The following MOBP variants were observed in gnomAD, a reference collection of about 807,000 sequenced individuals.
MOBP encodes the protein myelin associated oligodendrocyte basic protein.
In MOBP, 5 loss-of-function variants were observed where a neutral mutation model predicts 15.0. The observed-to-expected ratio is 0.33, with a 90% CI of 0.17 to 0.70. The LOEUF is 0.70. Ranked by LOEUF, MOBP falls within the 30% of genes least tolerant of loss-of-function variation. The probability of loss-of-function intolerance (pLI) is 0.67; values close to 1 mark genes in which losing one functional copy is unlikely to be tolerated. For missense variants in MOBP, 188 were observed against 257.8 expected (o/e 0.73, Z 1.85); for synonymous variants, 88 against 99.0 (o/e 0.89, Z 0.66).
chr3:39,516,842 A>G (rs1242720224), downstream of MOBP, among the ~76,000 whole-genome samples: 1 of 152,200 alleles, frequency 6.6e-6, no homozygotes, highest in Non-Finnish European at 1.5e-5. Flanking sequence ...ATAAAGATTC[A>G]TGAGGAAATT....
At chr3:39,495,750 C>CAAAAA (rs1179926622) in intron 2 of MOBP, among the ~76,000 whole-genome samples, 11 of 59,838 alleles carry the variant, frequency 1.8e-4, no homozygotes, top group Middle Eastern at 0.02. Context: ...GAGACCTTGT[C>CAAAAA]AAAAAAAAAA....
chr3:39,520,170 C>G (rs1010982892), downstream of MOBP, among the ~76,000 whole-genome samples: 4 of 152,074 alleles, frequency 2.6e-5, no homozygotes, highest in Admixed American at 2.6e-4. Flanking sequence ...TTCCCACCAT[C>G]AAGCCACCAG....
Position 39,502,051 on chromosome 3 carries a change from A to T in MOBP, c.-4-15A>T. 6.2e-7 allele frequency: 1 copy of T among 1,611,814 alleles called. No homozygotes were observed. Among genetic ancestry groups the T allele is most frequent in the Non-Finnish European group, 8.5e-7 (1 of 1,178,600 alleles). On this transcript the variant is annotated splice_polypyrimidine_tract_variant and intron_variant, in intron 2 of 3. Transcript: ENST00000684792. This position sits in a 1 kb window ranked among gnomAD's most constrained non-coding sequence, Gnocchi z 6.3. The stretch of plus-strand genomic sequence containing the variant: ...TTTATGTCTCCTCCTGTCTCCTTGC[A>T]TCGGCGATTTCCAGTGAGATGAGTC...
chr3:39,529,064 A>G (rs1324052051), downstream of MOBP: 2 of 152,226 alleles, frequency 1.3e-5, no homozygotes, highest in Non-Finnish European at 1.5e-5. Context: ...AGGGCTCACT[A>G]TGACTCACTA....
Position 39,502,463 on chromosome 3 carries a change from C to T in MOBP, c.207-72C>T. On this transcript the variant is annotated intron_variant, in intron 3 of 3. Coordinates refer to ENST00000684792, the MANE Select transcript of MOBP (RefSeq NM_001393704.1). This position sits in a 1 kb window ranked among gnomAD's most constrained non-coding sequence, Gnocchi z 6.3. ...GCAGGGCCTTCCTACCTGTTTCCAG[C>T]TCCTGCCAGCGTCGCTTAAGCAGCA... The T allele has an allele frequency of 6.5e-7, 1 of 1,534,520 alleles. No individual in the cohort carries two copies. The highest frequency in any genetic ancestry group is 8.7e-7 in the Non-Finnish European group (1 of 1,146,518).
chr3:39,470,169 C>T (rs906999571), intron 1 of MOBP, among the ~76,000 whole-genome samples: 2 of 152,158 alleles, frequency 1.3e-5, no homozygotes, highest in African/African-American at 4.8e-5. Context: ...GTGGAGGAGG[C>T]GGACCTCTGG....
chr3:39,511,311 C>A (rs1331729556), intron 4 of MOBP, among the ~76,000 whole-genome samples: 2 of 152,200 alleles, frequency 1.3e-5, no homozygotes, highest in Non-Finnish European at 2.9e-5. Context: ...ATGGCACTTT[C>A]TTCTCAAACC....
downstream of MOBP, among the ~76,000 whole-genome samples, chr3:39,503,928 A>G (rs1000829155): frequency 1.3e-5 from 2 of 152,178 alleles, no homozygotes; most frequent in Non-Finnish European, 2.9e-5. Context: ...TTGGGTCACC[A>G]CTAAGGCCTG....
intron 1 of MOBP, among the ~76,000 whole-genome samples, chr3:39,477,668 C>T (rs1052702788): frequency 1.3e-5 from 2 of 148,828 alleles, no homozygotes; most frequent in East Asian, 2.0e-4. Context: ...TGAGGTGTTC[C>T]AGAAGAAGAC....
In MOBP at chr3:39,482,365, C is replaced by T. The variant is rs528576263; in HGVS notation, c.-5+2242C>T. On this transcript the variant is annotated intron_variant, in intron 2 of 3. Coordinates refer to ENST00000684792, the MANE Select transcript of MOBP (RefSeq NM_001393704.1). ...TGGAAGTGATCTTACAAAAACGCAC[C>T]TCTGGGTCGGGCACGGTGGCTCATG... Among the ~76,000 whole-genome samples, 50 of 152,260 alleles carry T rather than the reference C, an allele frequency of 3.3e-4. No individual in the cohort carries two copies. In the South Asian group the frequency reaches 6.2e-3, roughly 19 times the overall value.
downstream of MOBP, among the ~76,000 whole-genome samples, chr3:39,506,894 G>A (rs549874008): frequency 2.0e-4 from 30 of 152,316 alleles, no homozygotes; most frequent in East Asian, 2.5e-3. Context: ...TATCAGTGGT[G>A]CTTTCTGTTG....
At chr3:39,482,810 C>T (rs1324660522) in intron 2 of MOBP, among the ~76,000 whole-genome samples, 1 of 152,146 alleles carries the variant, frequency 6.6e-6, no homozygotes, top group East Asian at 1.9e-4. Flanking sequence ...CCATCCTGCT[C>T]CACTCCTTCT....
intron 2 of MOBP, among the ~76,000 whole-genome samples, chr3:39,496,199 C>CTTT (rs539988699): frequency 2.8e-5 from 4 of 144,410 alleles, no homozygotes; most frequent in Non-Finnish European, 4.6e-5. Flanking sequence ...TCTTTTTTTT[C>CTTT]TTTTTTTTTT....
chr3:39,475,332 C>T (rs1463294508), intron 1 of MOBP, among the ~76,000 whole-genome samples: 1 of 152,124 alleles, frequency 6.6e-6, no homozygotes, highest in Non-Finnish European at 1.5e-5. Flanking sequence ...GATGATACTT[C>T]CCAGATTTCT....
rs2042440494 is a variant in MOBP at position 39,469,644 on chromosome 3, TC to T, written c.-89+1907del. On this transcript the variant is annotated intron_variant, in intron 1 of 3. Transcript: ENST00000684792. ...TATAAGCCAGTTATTTTGCTAAATGTCCCTCAATATGGGTTTGGTCTGCAGT... is the reference window on the plus strand; with the variant it reads ...TATAAGCCAGTTATTTTGCTAAATGTCCTCAATATGGGTTTGGTCTGCAGT... Among the ~76,000 whole-genome samples the T allele has an allele frequency of 2.6e-5, 4 of 152,134 alleles. No homozygotes were observed. The South Asian group carries it at 8.3e-4, about 32-fold the overall frequency.
At chr3:39,483,216 T>A (rs999565561) in intron 2 of MOBP, among the ~76,000 whole-genome samples, 2 of 152,258 alleles carry the variant, frequency 1.3e-5, no homozygotes, top group African/African-American at 4.8e-5. Context: ...ACTCAGTGAC[T>A]GCTTTTTTGA....
intron 2 of MOBP, among the ~76,000 whole-genome samples, chr3:39,495,543 T>C (rs1348144500): frequency 6.8e-6 from 1 of 148,032 alleles, no homozygotes; most frequent in Non-Finnish European, 1.5e-5. Flanking sequence ...ACTTTGGGAG[T>C]CTGAGGTGGG....
chr3:39,492,604 A>T (rs2042815581), intron 2 of MOBP, among the ~76,000 whole-genome samples: 1 of 152,226 alleles, frequency 6.6e-6, no homozygotes, highest in Admixed American at 6.5e-5. Context: ...TTTTGGTAAA[A>T]TCAATCTCGA....
chr3:39,522,291 A>T (rs554348882), intron 3 of MOBP, among the ~76,000 whole-genome samples: 2 of 152,238 alleles, frequency 1.3e-5, no homozygotes, highest in African/African-American at 4.8e-5. Context: ...AAAACAAAAA[A>T]AGTTGCTTAT....
Sources: allele counts gnomAD v4.1 joint callset (sites outside exome capture counted in the v4.1 genomes callset), GRCh38; gene constraint gnomAD v4.1.1; non-coding constraint Gnocchi (gnomAD v3.1); transcripts MANE v1.5; gene names NCBI Gene and HGNC (gene_info 2026-07-23, HGNC 2026-07-21).